The following WWOX variants were observed in gnomAD, a reference collection of about 807,000 sequenced individuals.
WWOX encodes the protein WW domain-containing oxidoreductase.
WWOX carries 69 observed loss-of-function variants against 46.2 expected under a neutral mutation model. The observed-to-expected ratio is 1.49, with a 90% CI of 1.23 to 1.82. The LOEUF is 1.82. Among genes scored for constraint, WWOX ranks in the 40% most tolerant of loss-of-function variants. The pLI is 0.00. For missense variants in WWOX, 919 were observed against 542.6 expected (o/e 1.69, Z -6.89); for synonymous variants, 359 against 202.6 (o/e 1.77, Z -6.56).
rs1567429793 is a variant in WWOX at position 78,209,562 on chromosome 16, T to C, written c.516+45273T>C. On this transcript the variant is annotated intron_variant, in intron 5 of 8. Transcript: ENST00000566780. ...TTTGAACATTGTTCTGTATAATATG[T>C]GCACCTTTGAGAAATCCCATGATTC... is the stretch of plus-strand genomic sequence containing the variant. 2.0e-5 allele frequency among the ~76,000 whole-genome samples: 3 copies of C among 152,212 alleles called. 1 individual carries two copies. The East Asian group carries it at 5.8e-4, about 29-fold the overall frequency.
chr16:78,360,221 C>T (rs1435633919), intron 5 of WWOX, among the ~76,000 whole-genome samples: 4 of 152,170 alleles, frequency 2.6e-5, no homozygotes, highest in East Asian at 1.9e-4. Context: ...CATCCACCTG[C>T]TCTAAGGGAC....
At chr16:79,162,437 C>A (rs78260184) in intron 8 of WWOX, among the ~76,000 whole-genome samples, 1 of 152,118 alleles carries the variant, frequency 6.6e-6, no homozygotes, top group Admixed American at 6.5e-5. Context: ...TTCTGGATTC[C>A]GTAGGTAGGA....
intron 8 of WWOX, among the ~76,000 whole-genome samples, chr16:79,130,935 A>T (rs2049865369): frequency 6.6e-6 from 1 of 152,238 alleles, no homozygotes; most frequent in Non-Finnish European, 1.5e-5. Context: ...CGAAGAGACC[A>T]CTGCATTGTT....
chr16:78,790,617 G>C lies in WWOX; in HGVS notation c.1056+357865G>C, dbSNP rs560762232. Among the ~76,000 whole-genome samples the C allele has an allele frequency of 1.1e-4, 16 of 152,314 alleles. No homozygotes were observed. The East Asian group carries it at 1.3e-3, about 13-fold the overall frequency. ...AGAGGAGCCTGTTTTCTCTCTGGCA[G>C]ATTAATTTTCTTTCTTTCTTCACCC... On this transcript the variant is annotated intron_variant, in intron 8 of 8. Transcript: ENST00000566780.
chr16:78,895,523 A>G (rs2044682418), intron 8 of WWOX: 1 of 152,108 alleles, frequency 6.6e-6, no homozygotes, highest in Non-Finnish European at 1.5e-5. Context: ...TCAACCCTGT[A>G]TTTGTTGTCA....
chr16:78,224,235 C>T (rs2036980332), intron 5 of WWOX, among the ~76,000 whole-genome samples: 1 of 152,082 alleles, frequency 6.6e-6, no homozygotes. Flanking sequence ...TATCTCCTGA[C>T]CTCGTGATCC....
Position 78,738,135 on chromosome 16 carries a change from A to C in WWOX, c.1056+305383A>C, listed in dbSNP as rs1190773397. Among the ~76,000 whole-genome samples, 5 of 152,230 alleles carry C rather than the reference A, an allele frequency of 3.3e-5. No individual in the cohort carries two copies. In the East Asian group the frequency reaches 9.7e-4, roughly 30 times the overall value. Reference sequence around the variant, plus strand: ...TCCTGAAAAACAGTTCAATTAGGTAAAGTGACATTTTTTAAGCCCTTGTGT... The same window carrying C: ...TCCTGAAAAACAGTTCAATTAGGTACAGTGACATTTTTTAAGCCCTTGTGT... On this transcript the variant is annotated intron_variant, in intron 8 of 8. Coordinates refer to ENST00000566780, the MANE Select transcript of WWOX (RefSeq NM_016373.4).
At chr16:78,154,894 T>A (rs1437133593) in intron 4 of WWOX, among the ~76,000 whole-genome samples, 1 of 152,148 alleles carries the variant, frequency 6.6e-6, no homozygotes, top group African/African-American at 2.4e-5. Context: ...GTAGCAAGGA[T>A]GTTTCCTGAA....
chr16:78,639,956 G>A (rs548633191), intron 8 of WWOX, among the ~76,000 whole-genome samples: 3 of 152,122 alleles, frequency 2.0e-5, no homozygotes, highest in Non-Finnish European at 1.5e-5. Context: ...GCAGGTGTTC[G>A]CAGGGCACAG....
At chr16:79,186,115 A>G (rs567158285) in intron 8 of WWOX, among the ~76,000 whole-genome samples, 5 of 152,248 alleles carry the variant, frequency 3.3e-5, no homozygotes, top group African/African-American at 1.2e-4. Flanking sequence ...CTGTGTTCAC[A>G]CAGATGGTCA....
chr16:78,338,046 T>G lies in WWOX; in HGVS notation c.517-48814T>G, dbSNP rs1270239719. Among the ~76,000 whole-genome samples, 2 of 120,644 alleles carry G rather than the reference T, an allele frequency of 1.7e-5. 1 individual carries two copies. The highest frequency in any genetic ancestry group is 4.0e-5 in the Non-Finnish European group (2 of 50,626). 79.1% of individuals were successfully genotyped at this position (120,644 alleles called of 152,430 possible). A position where few individuals can be genotyped will look rare whatever the true frequency, so the allele number is the denominator to read the frequency against. On this transcript the variant is annotated intron_variant, in intron 5 of 8. Coordinates refer to ENST00000566780, the MANE Select transcript of WWOX (RefSeq NM_016373.4). ...TGTTCTTTTAAAACATATATAAAAT[T>G]ATTTTTATCAAACATGACAGATCAA... is the stretch of plus-strand genomic sequence containing the variant.
rs575745303 is a variant in WWOX at position 79,128,745 on chromosome 16, C to A, written c.1057-82863C>A. On this transcript the variant is annotated intron_variant, in intron 8 of 8. Transcript: ENST00000566780. ...AAGGTTTGAAAAGTGCATTTGTAAG[C>A]CAGTAGGATTCAATCTGAAGTCAGG... is the stretch of plus-strand genomic sequence containing the variant. Among the ~76,000 whole-genome samples, 321 of 152,274 alleles carry A rather than the reference C, an allele frequency of 2.1e-3. 2 individuals are homozygous for A. The highest frequency in any genetic ancestry group is 3.6e-3 in the Non-Finnish European group (242 of 68,026).
At chr16:78,374,303 C>G (rs1004027444) in intron 5 of WWOX, among the ~76,000 whole-genome samples, 1 of 152,044 alleles carries the variant, frequency 6.6e-6, no homozygotes, top group Non-Finnish European at 1.5e-5. Context: ...GTCTATCATT[C>G]TAATCAACAA....
chr16:78,658,385 T>A (rs553988772), intron 8 of WWOX, among the ~76,000 whole-genome samples: 2 of 152,340 alleles, frequency 1.3e-5, no homozygotes, highest in African/African-American at 4.8e-5. Flanking sequence ...AGTCACTAAT[T>A]TAATCCTCAC....
intron 5 of WWOX, among the ~76,000 whole-genome samples, chr16:78,241,726 C>G (rs1460831610): frequency 6.6e-6 from 1 of 152,174 alleles, no homozygotes; most frequent in African/African-American, 2.4e-5. Context: ...AGGCGTGAAC[C>G]ACCACGCCCC....
At chr16:78,506,298 T>A (rs2085202516) in intron 8 of WWOX, among the ~76,000 whole-genome samples, 1 of 152,180 alleles carries the variant, frequency 6.6e-6, no homozygotes, top group Non-Finnish European at 1.5e-5. Context: ...TCTATATCGC[T>A]TTTGCTTCGG....
chr16:78,131,039 C>T (rs906721710), intron 4 of WWOX, among the ~76,000 whole-genome samples: 1 of 152,180 alleles, frequency 6.6e-6, no homozygotes, highest in Non-Finnish European at 1.5e-5. Context: ...TATAGGCAGT[C>T]ATAACACAAT....
rs1052626669 is a variant in WWOX at position 78,521,097 on chromosome 16, A to G, written c.1056+88345A>G. Among the ~76,000 whole-genome samples, 11 of 152,212 alleles carry G rather than the reference A, an allele frequency of 7.2e-5. 1 individual carries two copies. The highest frequency in any genetic ancestry group is 7.2e-4 in the Admixed American group (11 of 15,282). ...GATTCTGTTTAACTGCCCAGTGAAG[A>G]AATGACTTCCTTGCTTTAAAACATT... On this transcript the variant is annotated intron_variant, in intron 8 of 8. Transcript: ENST00000566780.
intron 8 of WWOX, among the ~76,000 whole-genome samples, chr16:78,818,969 C>A (rs557525925): frequency 6.6e-6 from 1 of 152,296 alleles, no homozygotes; most frequent in East Asian, 1.9e-4. Flanking sequence ...CAGGGTAAGC[C>A]ACTTAATCTC....
Sources: gnomAD v4.1 joint callset for allele counts (sites outside exome capture counted in the v4.1 genomes callset) on GRCh38, gnomAD v4.1.1 for gene constraint, MANE v1.5 for transcripts, NCBI Gene and HGNC (gene_info 2026-07-23, HGNC 2026-07-21) for gene names.